The following CCDC148 variants were observed in gnomAD, a reference collection of about 807,000 sequenced individuals.
CCDC148 encodes the protein coiled-coil domain containing 148, also known as coiled-coil domain-containing protein 148.
Under a neutral mutation model 85.7 loss-of-function variants are expected in CCDC148, and 89 were observed. That is an observed-to-expected ratio of 1.04 (90% CI 0.87 to 1.24). The LOEUF is 1.24. Among genes scored for constraint, CCDC148 ranks in the 50% most tolerant of loss-of-function variants. CCDC148 has a pLI of 0.00. For synonymous variants in CCDC148, 230 were observed against 213.9 expected (o/e 1.08, Z -0.66); for missense variants, 692 against 671.7 (o/e 1.03, Z -0.33).
chr2:158,280,232 A>G (rs1421862383), intron 9 of CCDC148, among the ~76,000 whole-genome samples: 1 of 152,238 alleles, frequency 6.6e-6, no homozygotes, highest in Admixed American at 6.5e-5. Context: ...TGGGTGAAAT[A>G]ACCAGCTAAC....
At chr2:158,226,055 T>C (rs1456678776) in intron 10 of CCDC148, among the ~76,000 whole-genome samples, 3 of 152,098 alleles carry the variant, frequency 2.0e-5, no homozygotes, top group African/African-American at 7.2e-5. Flanking sequence ...GATAGACTGC[T>C]AGCAAGACTA....
At chr2:158,292,707 T>C (rs1690950680) in intron 9 of CCDC148, among the ~76,000 whole-genome samples, 1 of 152,148 alleles carries the variant, frequency 6.6e-6, no homozygotes, top group African/African-American at 2.4e-5. Context: ...AAAGTATATA[T>C]AGAAACCAGA....
At chr2:158,440,174 T>C (rs530183579) in intron 1 of CCDC148, among the ~76,000 whole-genome samples, 5 of 152,226 alleles carry the variant, frequency 3.3e-5, no homozygotes, top group African/African-American at 1.2e-4. Context: ...CAGCCTAAAA[T>C]TTAAATGTTG....
At chr2:158,443,135 G>A (rs1034191620) in intron 1 of CCDC148, among the ~76,000 whole-genome samples, 10 of 151,842 alleles carry the variant, frequency 6.6e-5, no homozygotes, top group Non-Finnish European at 1.3e-4. Context: ...CAAGATATAA[G>A]TAGGAGTAAA....
intron 13 of CCDC148, among the ~76,000 whole-genome samples, chr2:158,176,155 A>AT (rs1684572019): frequency 6.6e-6 from 1 of 151,848 alleles, no homozygotes; most frequent in Admixed American, 6.6e-5. Flanking sequence ...AATATAATTT[A>AT]TATTATGAAT....
chr2:158,448,834 GT>G lies in CCDC148; in HGVS notation c.25+7580del, dbSNP rs768917944. ...TTTGTTGTTGTTGTTGTTTTTGTTT[GT>G]TTGTTTTTCTGAGACGGAGTCTTGC... On this transcript the variant is annotated intron_variant, in intron 1 of 13. Coordinates refer to ENST00000283233, the MANE Select transcript of CCDC148 (RefSeq NM_138803.4). 7.2e-5 allele frequency among the ~76,000 whole-genome samples: 11 copies of G among 151,900 alleles called. 1 individual carries two copies. The highest frequency in any genetic ancestry group is 5.2e-4 in the Admixed American group (8 of 15,244).
intron 1 of CCDC148, among the ~76,000 whole-genome samples, chr2:158,378,969 T>G (rs972565291): frequency 6.6e-6 from 1 of 152,160 alleles, no homozygotes; most frequent in Non-Finnish European, 1.5e-5. Flanking sequence ...AGCCCACGGA[T>G]CAGAAGTAAT....
intron 10 of CCDC148, among the ~76,000 whole-genome samples, chr2:158,247,611 C>T (rs1688620031): frequency 6.6e-6 from 1 of 152,100 alleles, no homozygotes. Flanking sequence ...AATCCCAGCA[C>T]TTTGGGAGGC....
chr2:158,176,815 T>C (rs1345466742), intron 12 of CCDC148, 154 bp from the exon 13 acceptor site: 2 of 752,554 alleles, frequency 2.7e-6, no homozygotes, highest in Admixed American at 3.1e-5. Flanking sequence ...TGGTCAGTCC[T>C]AGAGATCCAC....
chr2:158,296,548 C>G (rs1691197591), intron 9 of CCDC148, among the ~76,000 whole-genome samples: 1 of 152,200 alleles, frequency 6.6e-6, no homozygotes. Flanking sequence ...TTATGGTTGC[C>G]TGAAATTTTG....
At chr2:158,265,907 C>T (rs904874276) in intron 9 of CCDC148, among the ~76,000 whole-genome samples, 5 of 152,122 alleles carry the variant, frequency 3.3e-5, no homozygotes, top group Non-Finnish European at 5.9e-5. Flanking sequence ...ACTTCTTTTT[C>T]TCCATTACCC....
intron 9 of CCDC148, among the ~76,000 whole-genome samples, chr2:158,278,250 A>T (rs1690057294): frequency 6.6e-6 from 1 of 152,058 alleles, no homozygotes; most frequent in African/African-American, 2.4e-5. Context: ...GGTTCATCTC[A>T]CTAGGGAGTG....
At chr2:158,334,900 C>G (rs145882667) in intron 7 of CCDC148, among the ~76,000 whole-genome samples, 2 of 152,078 alleles carry the variant, frequency 1.3e-5, no homozygotes, top group Non-Finnish European at 2.9e-5. Flanking sequence ...CAAGCTTAAT[C>G]TTCCTAATAA....
intron 10 of CCDC148, among the ~76,000 whole-genome samples, chr2:158,231,030 A>G (rs1687831320): frequency 6.6e-6 from 1 of 152,184 alleles, no homozygotes; most frequent in Non-Finnish European, 1.5e-5. Context: ...ATAACACTTG[A>G]CAAGCCCATA....
At chr2:158,243,953 C>A (rs1033093354) in intron 10 of CCDC148, among the ~76,000 whole-genome samples, 1 of 151,120 alleles carries the variant, frequency 6.6e-6, no homozygotes, top group Admixed American at 6.6e-5. Flanking sequence ...AATTTGTTTT[C>A]CATCTAACTG....
At chr2:158,221,675 T>C (rs950262672) in intron 10 of CCDC148, among the ~76,000 whole-genome samples, 3 of 152,184 alleles carry the variant, frequency 2.0e-5, no homozygotes, top group African/African-American at 4.8e-5. Context: ...CCTAGCAACA[T>C]GGTCTCTGAT....
chr2:158,351,381 A>C (rs751208541), intron 2 of CCDC148, among the ~76,000 whole-genome samples: 11 of 152,320 alleles, frequency 7.2e-5, no homozygotes, highest in South Asian at 2.1e-4. Flanking sequence ...GGTGGGCGCA[A>C]CGTGCGCGAG....
chr2:158,275,279 A>G (rs1689878713), intron 9 of CCDC148, among the ~76,000 whole-genome samples: 4 of 152,242 alleles, frequency 2.6e-5, no homozygotes, highest in Admixed American at 2.6e-4. Flanking sequence ...TGGCTTCAGG[A>G]TAATAATTTG....
chr2:158,334,641 T>G (rs980098578), intron 7 of CCDC148, among the ~76,000 whole-genome samples: 1 of 152,088 alleles, frequency 6.6e-6, no homozygotes, highest in Non-Finnish European at 1.5e-5. Context: ...AATTGCCTAT[T>G]ATCTAATGCT....
Sources: gnomAD v4.1 joint callset for allele counts (sites outside exome capture counted in the v4.1 genomes callset) on GRCh38, gnomAD v4.1.1 for gene constraint, MANE v1.5 for transcripts, NCBI Gene and HGNC (gene_info 2026-07-23, HGNC 2026-07-21) for gene names.